CCDC144A: variants seen among roughly 807,000 people sequenced by gnomAD.
CCDC144A encodes coiled-coil domain-containing protein 144A.
In CCDC144A, 41 loss-of-function variants were observed where a neutral mutation model predicts 143.8. The observed-to-expected ratio is 0.29, with a 90% CI of 0.22 to 0.37. The LOEUF is 0.37. Among genes scored for constraint, CCDC144A ranks in the 10% least tolerant of loss-of-function variants. The pLI is 1.00. For synonymous variants in CCDC144A, 242 were observed against 517.9 expected (o/e 0.47, Z 7.23); for missense variants, 637 against 1,488.8 (o/e 0.43, Z 9.41).
chr17:16,686,412 G>A (rs1177387251), upstream of CCDC144A, among the ~76,000 whole-genome samples: 2 of 152,066 alleles, frequency 1.3e-5, no homozygotes, highest in Non-Finnish European at 2.9e-5. Context: ...AAGGCCATGT[G>A]CAATTTATTT....
At chr17:16,768,988 T>C (rs1161528594) in intron 15 of CCDC144A, among the ~76,000 whole-genome samples, 1 of 152,186 alleles carries the variant, frequency 6.6e-6, no homozygotes, top group African/African-American at 2.4e-5. Flanking sequence ...AGGAGTCAGA[T>C]AGATGGACAT....
intron 12 of CCDC144A, among the ~76,000 whole-genome samples, chr17:16,757,779 C>T (rs1421728991): frequency 6.6e-6 from 1 of 152,216 alleles, no homozygotes; most frequent in African/African-American, 2.4e-5. Flanking sequence ...GGCTCCTAGG[C>T]TCTAGACAGC....
At chr17:16,677,173 G>A in the CCDC144A span, among the ~76,000 whole-genome samples, 1 of 151,778 alleles carries the variant, frequency 6.6e-6, no homozygotes, top group Non-Finnish European at 1.5e-5. Flanking sequence ...ACCTTCGTCC[G>A]TCCTCTCTTC....
chr17:16,740,209 A>G (rs1331307482), intron 12 of CCDC144A, among the ~76,000 whole-genome samples: 1 of 152,086 alleles, frequency 6.6e-6, no homozygotes, highest in African/African-American at 2.4e-5. Context: ...CTAATTCATC[A>G]TGTTGCAGTT....
At chr17:16,753,563 G>T (rs959151008) in intron 12 of CCDC144A, among the ~76,000 whole-genome samples, 1 of 149,016 alleles carries the variant, frequency 6.7e-6, no homozygotes, top group South Asian at 2.2e-4. Context: ...TATGCTAGTT[G>T]ATTATTAGTG....
intron 12 of CCDC144A, among the ~76,000 whole-genome samples, chr17:16,744,944 C>A (rs1242239010): frequency 6.6e-6 from 1 of 152,110 alleles, no homozygotes; most frequent in Non-Finnish European, 1.5e-5. Flanking sequence ...AACAAAATTT[C>A]TGTTATTTGG....
At chr17:16,753,252 T>G (rs1243951962) in intron 12 of CCDC144A, among the ~76,000 whole-genome samples, 1 of 150,922 alleles carries the variant, frequency 6.6e-6, no homozygotes, top group Non-Finnish European at 1.5e-5. Context: ...TGGCTGCATG[T>G]GGTGACCATC....
the CCDC144A span, among the ~76,000 whole-genome samples, chr17:16,682,068 C>T: frequency 6.6e-6 from 1 of 151,920 alleles, no homozygotes; most frequent in South Asian, 2.1e-4. Flanking sequence ...GCAGTAGAGC[C>T]CTGACCGTGT....
chr17:16,683,885 GC>G, the CCDC144A span: 4 of 1,345,534 alleles, frequency 3.0e-6, no homozygotes, highest in Non-Finnish European at 4.3e-6. Context: ...CGTCGTCTAC[GC>G]TGATGGCTGC....
intron 12 of CCDC144A, among the ~76,000 whole-genome samples, chr17:16,754,627 A>T: frequency 6.6e-6 from 1 of 152,186 alleles, no homozygotes; most frequent in Non-Finnish European, 1.5e-5. Context: ...GATATTTGAT[A>T]TGAGCTTTTA....
At chr17:16,741,709 A>G (rs1914265029) in intron 12 of CCDC144A, among the ~76,000 whole-genome samples, 1 of 152,030 alleles carries the variant, frequency 6.6e-6, no homozygotes, top group African/African-American at 2.4e-5. Flanking sequence ...CTGCCTCCCA[A>G]GTAGCTGAGA....
intron 2 of CCDC144A, among the ~76,000 whole-genome samples, chr17:16,697,670 ACTT>A (rs1478451131): frequency 3.7e-3 from 568 of 152,108 alleles, no homozygotes; most frequent in African/African-American, 0.013. Flanking sequence ...TTTTACTTAA[ACTT>A]TTTTTTTCAT....
At chr17:16,762,839 G>C (rs1266413104) in intron 14 of CCDC144A, among the ~76,000 whole-genome samples, 12 of 151,274 alleles carry the variant, frequency 7.9e-5, no homozygotes. Flanking sequence ...GATCTATTAG[G>C]GTTTCAGCTA....
At chr17:16,718,744 C>T (rs1341542180) in intron 6 of CCDC144A, among the ~76,000 whole-genome samples, 31 of 143,744 alleles carry the variant, frequency 2.2e-4, no homozygotes, top group Middle Eastern at 3.5e-3. Flanking sequence ...TGTTTAGATT[C>T]TGGGGAGAAG....
At chr17:16,732,911 C>T (rs1321179693) in intron 11 of CCDC144A, among the ~76,000 whole-genome samples, 1 of 150,932 alleles carries the variant, frequency 6.6e-6, no homozygotes, top group Non-Finnish European at 1.5e-5. Context: ...TGGCCTTATC[C>T]AAAGGAGAAA....
intron 8 of CCDC144A, among the ~76,000 whole-genome samples, chr17:16,726,098 G>C (rs1913401150): frequency 6.6e-6 from 1 of 152,058 alleles, no homozygotes; most frequent in African/African-American, 2.4e-5. Context: ...AAATCTTCCG[G>C]CCGGGCGCGG....
Position 16,733,490 on chromosome 17 carries a change from C to T in CCDC144A, c.2418+824C>T, listed in dbSNP as rs1031159808. 4.9e-3 allele frequency among the ~76,000 whole-genome samples: 727 copies of T among 147,424 alleles called. 8 individuals are homozygous for T. Among genetic ancestry groups the T allele is most frequent in the African/African-American group, 0.017 (687 of 39,806 alleles). ...CTGCCCTCCAGCCTGGGTAACAGTG[C>T]GAGACTCCGTCTCAAAAAAAAAAAA... On this transcript the variant is annotated intron_variant, in intron 11 of 16. Transcript: ENST00000399273.
In CCDC144A at chr17:16,763,946, T is replaced by C. The variant is rs544517780; in HGVS notation, c.3888-19T>C. On this transcript the variant is annotated intron_variant, in intron 14 of 16. Coordinates refer to ENST00000399273, the MANE Select transcript of CCDC144A (RefSeq NM_001382000.1). ...GAAAAAATGAAATACTAAGCATTTG[T>C]CTTTTTCAATCTTCATAGAACTAAT... 3.0e-5 allele frequency: 48 copies of C among 1,596,854 alleles called. No homozygotes were observed. The East Asian group carries it at 5.2e-4, about 17-fold the overall frequency.
intron 12 of CCDC144A, among the ~76,000 whole-genome samples, chr17:16,754,286 T>G (rs1363217078): frequency 6.6e-6 from 1 of 152,242 alleles, no homozygotes; most frequent in African/African-American, 2.4e-5. Flanking sequence ...ATTTCTTTCC[T>G]TCTACTACAT....
Sources: gnomAD v4.1 joint callset for allele counts (sites outside exome capture counted in the v4.1 genomes callset) on GRCh38, gnomAD v4.1.1 for gene constraint, MANE v1.5 for transcripts, NCBI Gene and HGNC (gene_info 2026-07-23, HGNC 2026-07-21) for gene names.